The following SF3A1 variants were observed in gnomAD, a reference collection of about 807,000 sequenced individuals.
SF3A1 encodes the protein splicing factor 3a subunit 1.
A neutral mutation model predicts 89.9 loss-of-function variants in SF3A1; 13 were observed. That is an observed-to-expected ratio of 0.14 (90% CI 0.09 to 0.23). The LOEUF (loss-of-function observed/expected upper bound fraction) is 0.23. Among genes scored for constraint, SF3A1 ranks in the 10% least tolerant of loss-of-function variants. The probability of loss-of-function intolerance (pLI) is 1.00; values close to 1 mark genes in which losing one functional copy is unlikely to be tolerated. For synonymous variants in SF3A1, 405 were observed against 374.4 expected (o/e 1.08, Z -0.94); for missense variants, 604 against 1,022.1 (o/e 0.59, Z 5.58).
chr22:30,337,739 C>T lies in SF3A1; in HGVS notation c.1902G>A (p.Ser634=), dbSNP rs1483056272. 25 of 1,566,254 alleles carry T rather than the reference C, an allele frequency of 1.6e-5. No individual in the cohort carries two copies. Among genetic ancestry groups the T allele is most frequent in the East Asian group, 4.6e-5 (2 of 43,568 alleles). The change falls in exon 12 of 16, where the codon TCG becomes TCA. Residue 634 remains serine (S), a synonymous_variant. Coordinates refer to ENST00000215793, the MANE Select transcript of SF3A1 (RefSeq NM_005877.6). ...GGCGGGGGGCCATAATAGGAGGGGC[C>T]GAGGGAGGCATGGGCACCACGTTGA... The part of the protein sequence containing the change: ...PRINVVPMPP[S]APPIMAPRPP...
Position 30,337,705 on chromosome 22 carries a change from TG to T in SF3A1, c.1935del (p.Met646Ter). 2.6e-6 allele frequency: 1 copy of T among 391,572 alleles called. No individual in the cohort carries two copies. The highest frequency in any genetic ancestry group is 4.4e-6 in the Non-Finnish European group (1 of 224,854). The allele number at this position is 391,572 out of a possible 1,614,324, so 24.3% of individuals were successfully genotyped here. On this transcript the variant is annotated frameshift_variant, in exon 12 of 16. Coordinates refer to ENST00000215793, the MANE Select transcript of SF3A1 (RefSeq NM_005877.6). LOFTEE classifies it high-confidence loss of function. The part of the protein sequence containing the change: ...APPIMAPRPP[P>X]MIVPTAFVPA... ...AGATACTGACCTGTTGGCACAATCA[TG>T]GGGGGTGGGCGGGGGGCCATAATAG... is the stretch of plus-strand genomic sequence containing the variant.
intron 3 of SF3A1, among the ~76,000 whole-genome samples, chr22:30,345,965 A>G (rs555870187): frequency 1.3e-5 from 2 of 152,268 alleles, no homozygotes; most frequent in Admixed American, 6.5e-5. Context: ...ACAGCCAAGT[A>G]GGAAGTGCTG....
At chr22:30,342,702 C>G in intron 5 of SF3A1, 103 bp downstream of exon 5, 1 of 814,038 alleles carries the variant, frequency 1.2e-6, no homozygotes, top group Non-Finnish European at 2.1e-6. Flanking sequence ...TCCCACCATT[C>G]CCATGACTGG....
At chr22:30,340,624 G>C (rs1931220599) in intron 8 of SF3A1, 71 bp downstream of exon 8, 2 of 981,900 alleles carry the variant, frequency 2.0e-6, no homozygotes, top group Non-Finnish European at 3.2e-6. Context: ...AGAAAGACGG[G>C]TGTGAGGAAC....
rs1931892553 is a variant in SF3A1 at position 30,356,805 on chromosome 22, C to T, written c.-13G>A. The T allele has an allele frequency of 7.4e-7, 1 of 1,357,066 alleles. No homozygotes were observed. The highest frequency in any genetic ancestry group is 9.6e-7 in the Non-Finnish European group (1 of 1,045,280). The allele number at this position is 1,357,066 out of a possible 1,614,324, so 84.1% of individuals were successfully genotyped here. On this transcript the variant is annotated 5_prime_UTR_variant, in exon 1 of 16. Coordinates refer to ENST00000215793, the MANE Select transcript of SF3A1 (RefSeq NM_005877.6). ...GTCCGGCCGGCATGACTGCGACGCT[C>T]AGGGCTGCCAGTCCGCCTCGGTGTC...
rs1402465468 is a variant in SF3A1 at position 30,350,317 on chromosome 22, AAAAAT to A, written c.185+2629_185+2633del. 6.6e-5 allele frequency among the ~76,000 whole-genome samples: 10 copies of A among 150,466 alleles called. No individual in the cohort carries two copies. In the East Asian group the frequency reaches 9.7e-4, roughly 15 times the overall value. On this transcript the variant is annotated intron_variant, in intron 2 of 15. Transcript: ENST00000215793. ...ATACAAAAAAACTAAAAAAAATAAA[AAAAAT>A]AAAAAAAAAATTAGCTGGGTGTGGT... is the stretch of plus-strand genomic sequence containing the variant.
intron 7 of SF3A1, 39 bp from the exon 8 acceptor site, chr22:30,340,851 G>A: frequency 2.6e-6 from 3 of 1,152,450 alleles, no homozygotes; most frequent in East Asian, 2.5e-5. Flanking sequence ...GAGAGGGGCT[G>A]AGGCCACCTC....
In SF3A1 at chr22:30,340,293, C is replaced by T; in HGVS notation, c.1278G>A (p.Gln426=). Reference sequence around the variant, plus strand: ...CAAGAAGTCCAATGCGCATGTGTTCCTGCATTTTGCTGGCGGGGATCTTCT... The same window carrying T: ...CAAGAAGTCCAATGCGCATGTGTTCTTGCATTTTGCTGGCGGGGATCTTCT... ...TGEKIPASKM[Q]EHMRIGLLDP... is the part of the protein sequence containing the mutation. Residue 426 remains glutamine (Q), a synonymous_variant, in exon 9 of 16, where the codon CAG becomes CAA. Transcript: ENST00000215793. 1 of 1,613,442 alleles carries T rather than the reference C, an allele frequency of 6.2e-7. No individual in the cohort carries two copies. The highest frequency in any genetic ancestry group is 8.5e-7 in the Non-Finnish European group (1 of 1,179,806).
At chr22:30,344,075 T>C (rs1230165991) in intron 4 of SF3A1, among the ~76,000 whole-genome samples, 4 of 152,210 alleles carry the variant, frequency 2.6e-5, no homozygotes, top group African/African-American at 7.2e-5. Flanking sequence ...ATCTGATTAT[T>C]TTAAATGCCA....
Position 30,337,844 on chromosome 22 carries a change from C to T in SF3A1, c.1797G>A (p.Arg599=), listed in dbSNP as rs140778369. ...TVVSAVPVMP[R]PPMASVVRLP... The stretch of plus-strand genomic sequence containing the variant: ...GCCGGACCACAGATGCCATTGGGGG[C>T]CGGGGCATGACGGGTACTGCGGAGA... The change falls in exon 12 of 16, where the codon CGG becomes CGA. Residue 599 remains arginine (R), a synonymous_variant. Coordinates refer to ENST00000215793, the MANE Select transcript of SF3A1 (RefSeq NM_005877.6). The T allele has an allele frequency of 2.5e-6, 4 of 1,608,578 alleles. No individual in the cohort carries two copies. The African/African-American group carries it at 4.0e-5, about 16-fold the overall frequency.
At position 30,342,234 on chromosome 22, in the gene SF3A1, C is replaced by G. The variant is rs775476002; in HGVS notation, c.843G>C (p.Val281=). The change falls in exon 6 of 16, where the codon GTG becomes GTC. Residue 281 remains valine, a synonymous_variant. Transcript: ENST00000215793. ...YAQIDWHDFV[V]VETVDFQPNE... ...TGGGTTGGAAGTCCACTGTTTCCAC[C>G]ACCACAAAATCATGCCAGTCGATCT... The G allele has an allele frequency of 5.6e-6, 9 of 1,614,158 alleles. No individual in the cohort carries two copies. The East Asian group carries it at 2.0e-4, about 36-fold the overall frequency.
chr22:30,335,589 G>A (rs1314246834), intron 14 of SF3A1, 51 bp from the exon 15 acceptor site: 1 of 1,611,870 alleles, frequency 6.2e-7, no homozygotes, highest in South Asian at 1.1e-5. Context: ...CCAGCTAGAG[G>A]AAGCTTTCCC....
intron 15 of SF3A1, 35 bp from the exon 16 acceptor site, chr22:30,334,730 AC>A: frequency 6.7e-7 from 1 of 1,486,278 alleles, no homozygotes; most frequent in Non-Finnish European, 9.3e-7. Flanking sequence ...GCATGGGGCA[AC>A]CCAGCCTTGG....
chr22:30,341,970 T>C (rs1259276591), intron 6 of SF3A1, 85 bp from the exon 7 acceptor site: 43 of 1,385,128 alleles, frequency 3.1e-5, no homozygotes, highest in Non-Finnish European at 4.0e-5. Context: ...GCTGGGGCCA[T>C]GTCTGTTTTC....
chr22:30,355,801 T>C (rs1931785852), intron 1 of SF3A1, among the ~76,000 whole-genome samples: 1 of 144,984 alleles, frequency 6.9e-6, no homozygotes, highest in African/African-American at 2.6e-5. Context: ...AAGGCATGGC[T>C]TCTTCAGTCA....
chr22:30,346,824 A>T (rs1381315921), intron 2 of SF3A1, among the ~76,000 whole-genome samples: 1 of 152,088 alleles, frequency 6.6e-6, no homozygotes, highest in Non-Finnish European at 1.5e-5. Context: ...AATTTACTTT[A>T]AAAAAAATCT....
chr22:30,353,124 G>C, intron 1 of SF3A1, 52 bp from the exon 2 acceptor site: 10 of 1,599,252 alleles, frequency 6.3e-6, no homozygotes, highest in Non-Finnish European at 8.5e-6. Context: ...TTCAGAGCAG[G>C]TTCTCCACTG....
chr22:30,351,358 T>C (rs1034560782), intron 2 of SF3A1, among the ~76,000 whole-genome samples: 4 of 151,544 alleles, frequency 2.6e-5, no homozygotes, highest in African/African-American at 4.8e-5. Flanking sequence ...TTTTATTAGG[T>C]TGGGAAAGGA....
In SF3A1 at chr22:30,340,278, A is replaced by G; in HGVS notation, c.1293T>C (p.Ile431=). The G allele has an allele frequency of 6.2e-7, 1 of 1,613,164 alleles. No individual in the cohort carries two copies. Among genetic ancestry groups the G allele is most frequent in the East Asian group, 2.2e-5 (1 of 44,810 alleles). ...CCAGCCAGCGAGGGTCAAGAAGTCC[A>G]ATGCGCATGTGTTCCTGCATTTTGC... ...PASKMQEHMR[I]GLLDPRWLEQ... The change falls in exon 9 of 16, where the codon ATT becomes ATC. Residue 431 remains isoleucine, a synonymous_variant. Transcript: ENST00000215793.
Sources: allele counts gnomAD v4.1 joint callset (sites outside exome capture counted in the v4.1 genomes callset), GRCh38; gene constraint gnomAD v4.1.1; transcripts MANE v1.5; gene names NCBI Gene and HGNC (gene_info 2026-07-23, HGNC 2026-07-21).